The following GLB1 variants were observed in gnomAD, a reference collection of about 807,000 sequenced individuals.
The protein encoded by GLB1 is beta-galactosidase.
GLB1 carries 56 observed loss-of-function variants against 74.0 expected under a neutral mutation model. The ratio of observed to expected loss-of-function variants is 0.76; its 90% CI spans 0.61 to 0.94. The LOEUF (loss-of-function observed/expected upper bound fraction) is 0.94, where lower values mean the gene tolerates loss of function less well. GLB1 is among the 40% of genes least tolerant of loss of function. The pLI, the probability that GLB1 is intolerant of heterozygous loss-of-function variation, is 0.00. For missense variants in GLB1, 787 were observed against 845.5 expected, an observed-to-expected ratio of 0.93 and a Z score of 0.86; for synonymous variants, 323 against 323.6, an observed-to-expected ratio of 1.00 and a Z score of 0.02.
chr3:33,052,419 G>T (rs1699031922), intron 7 of GLB1, among the ~76,000 whole-genome samples: 3 of 152,128 alleles, frequency 2.0e-5, no homozygotes, highest in Admixed American at 1.3e-4. Context: ...GGATCACAAG[G>T]TCTAGAGATT....
At chr3:33,038,570 T>C (rs952106801) in intron 10 of GLB1, among the ~76,000 whole-genome samples, 1 of 152,232 alleles carries the variant, frequency 6.6e-6, no homozygotes, top group Non-Finnish European at 1.5e-5. Context: ...GCAAGTCTGA[T>C]ATTTGTTACT....
At chr3:33,075,997 A>G (rs1454131394) in intron 1 of GLB1, among the ~76,000 whole-genome samples, 1 of 149,844 alleles carries the variant, frequency 6.7e-6, no homozygotes, top group African/African-American at 2.5e-5. Context: ...GTGAGCCGAG[A>G]TTGTGCCACT....
chr3:33,035,918 A>T (rs1393645889), intron 10 of GLB1, among the ~76,000 whole-genome samples: 1 of 152,172 alleles, frequency 6.6e-6, no homozygotes, highest in East Asian at 1.9e-4. Context: ...CAAGCTCCTT[A>T]ACTTGGTGTA....
At chr3:32,996,448 C>G (rs756118205), downstream of GLB1, among the ~76,000 whole-genome samples, 2 of 152,118 alleles carry the variant, frequency 1.3e-5, no homozygotes, top group Non-Finnish European at 2.9e-5. Context: ...GGCTAAAATA[C>G]TATGCTTCTA....
At chr3:33,028,809 G>A (rs1559389681) in intron 10 of GLB1, among the ~76,000 whole-genome samples, 2 of 152,038 alleles carry the variant, frequency 1.3e-5, no homozygotes, top group Non-Finnish European at 2.9e-5. Flanking sequence ...GGGATTACAG[G>A]CATGCACCAC....
At position 32,997,054 on chromosome 3, in the gene GLB1, G is replaced by C; in HGVS notation, c.2025C>G (p.Asp675Glu). The C allele has an allele frequency of 6.2e-7, 1 of 1,614,058 alleles. No homozygotes were observed. Among genetic ancestry groups the C allele is most frequent in the Non-Finnish European group, 8.5e-7 (1 of 1,180,020 alleles). Reference protein sequence around the residue: ...PPQKNKDSWLDHV With the variant: ...PPQKNKDSWLEHV ...ACACAGGCTTTCATCATCATACATGGTCCAGCCATGAATCTTTGTTTTTTT... is the reference window on the plus strand; with the variant it reads ...ACACAGGCTTTCATCATCATACATGCTCCAGCCATGAATCTTTGTTTTTTT... Residue 675 changes from aspartate to glutamate, a missense_variant, in exon 16 of 16, where the codon GAC (aspartate) becomes GAG (glutamate). Transcript: ENST00000307363.
chr3:32,998,436 G>T (rs1475171692), intron 15 of GLB1, among the ~76,000 whole-genome samples: 1 of 151,952 alleles, frequency 6.6e-6, no homozygotes, highest in Non-Finnish European at 1.5e-5. Context: ...TGAACCCAGG[G>T]AGGCAGAGGT....
intron 10 of GLB1, chr3:33,034,540 C>A: frequency 1.4e-6 from 1 of 730,082 alleles, no homozygotes; most frequent in Non-Finnish European, 2.5e-6. Flanking sequence ...CCATTGCCAG[C>A]TGCTCCTGGG....
intron 11 of GLB1, 32 bp downstream of exon 11, chr3:33,024,219 C>T: frequency 6.3e-7 from 1 of 1,586,796 alleles, no homozygotes; most frequent in Non-Finnish European, 8.6e-7. Context: ...CCATCTCTCA[C>T]TTTCAAAGTT....
rs923686190 is a variant in GLB1, at chr3:33,052,586, G to A, written c.793-582C>T. ...GTGGAGAATGCAGTGAGCTGAGATCGCGCCACTGTACTACAGTCTGGCAAC... is the reference window on the plus strand; with the variant it reads ...GTGGAGAATGCAGTGAGCTGAGATCACGCCACTGTACTACAGTCTGGCAAC... On this transcript the variant is annotated intron_variant, in intron 7 of 15. Transcript: ENST00000307363. 3.1e-5 allele frequency: 5 copies of A among 161,310 alleles called. No homozygotes were observed. In the South Asian group the frequency reaches 5.0e-4, roughly 16 times the overall value. The allele number at this position is 161,310 out of a possible 1,614,324, so 10.0% of individuals were successfully genotyped here.
At chr3:32,978,399 A>G in the GLB1 span, among the ~76,000 whole-genome samples, 42 of 146,992 alleles carry the variant, frequency 2.9e-4, no homozygotes, top group African/African-American at 1.0e-3. Context: ...AAAAAAAAAA[A>G]CAAATTTCCT....
At chr3:33,013,002 GT>G (rs538221378) in intron 15 of GLB1, among the ~76,000 whole-genome samples, 10 of 152,288 alleles carry the variant, frequency 6.6e-5, no homozygotes, top group Middle Eastern at 6.8e-3. Context: ...TCAGATCACA[GT>G]CTTATCATGT....
chr3:32,970,051 C>T, the GLB1 span, among the ~76,000 whole-genome samples: 1 of 152,206 alleles, frequency 6.6e-6, no homozygotes, highest in Non-Finnish European at 1.5e-5. Flanking sequence ...AGAGAAGGCA[C>T]TAGAGGTGAC....
the GLB1 span, among the ~76,000 whole-genome samples, chr3:32,961,836 G>A: frequency 1.3e-5 from 2 of 152,000 alleles, no homozygotes; most frequent in Non-Finnish European, 2.9e-5. Flanking sequence ...AGGAAGGAAC[G>A]CCTGTGATCA....
chr3:32,971,183 G>A, the GLB1 span, among the ~76,000 whole-genome samples: 1 of 152,238 alleles, frequency 6.6e-6, no homozygotes, highest in Non-Finnish European at 1.5e-5. Flanking sequence ...AAACCAGATT[G>A]TAAGACAAGG....
intron 1 of GLB1, among the ~76,000 whole-genome samples, chr3:33,078,748 T>G (rs1021555955): frequency 6.6e-6 from 1 of 152,224 alleles, no homozygotes; most frequent in Admixed American, 6.5e-5. Context: ...TGGTACAATA[T>G]TCGTAATATG....
chr3:32,971,979 T>C, the GLB1 span, among the ~76,000 whole-genome samples: 1 of 152,148 alleles, frequency 6.6e-6, no homozygotes, highest in Admixed American at 6.6e-5. Context: ...TCTTAAGATA[T>C]CCAGTTTATG....
downstream of GLB1, among the ~76,000 whole-genome samples, chr3:32,992,504 C>G (rs952750869): frequency 6.6e-6 from 1 of 152,200 alleles, no homozygotes; most frequent in Non-Finnish European, 1.5e-5. Flanking sequence ...AAATGCTATA[C>G]AAGGTACTTT....
the GLB1 span, among the ~76,000 whole-genome samples, chr3:32,983,950 G>T: frequency 6.6e-5 from 10 of 152,062 alleles, no homozygotes; most frequent in Non-Finnish European, 1.3e-4. Context: ...CTCCCAAAGT[G>T]CTGGGATTAC....
Sources: allele counts gnomAD v4.1 joint callset (sites outside exome capture counted in the v4.1 genomes callset), GRCh38; gene constraint gnomAD v4.1.1; transcripts MANE v1.5; gene names NCBI Gene and HGNC (gene_info 2026-07-23, HGNC 2026-07-21).